The following LRRC1 variants were observed in gnomAD, a reference collection of about 807,000 sequenced individuals.
LRRC1 encodes leucine rich repeat containing 1.
In LRRC1, 28 loss-of-function variants were observed where a neutral mutation model predicts 69.9. The ratio of observed to expected loss-of-function variants is 0.40; its 90% CI spans 0.30 to 0.55. The LOEUF (loss-of-function observed/expected upper bound fraction) is 0.55. Among genes scored for constraint, LRRC1 ranks in the 20% least tolerant of loss-of-function variants. The probability of loss-of-function intolerance (pLI) is 0.47; values close to 1 mark genes in which losing one functional copy is unlikely to be tolerated. For missense variants in LRRC1, 498 were observed against 609.0 expected (o/e 0.82, Z 1.92); for synonymous variants, 236 against 240.2 (o/e 0.98, Z 0.16).
intron 3 of LRRC1, among the ~76,000 whole-genome samples, chr6:53,882,164 T>C (rs1767312360): frequency 6.6e-6 from 1 of 152,126 alleles, no homozygotes; most frequent in Non-Finnish European, 1.5e-5. Context: ...CTGACCAACA[T>C]GGTGAAACCC....
chr6:53,922,702 A>C lies in LRRC1; in HGVS notation c.1484A>C (p.Asn495Thr), dbSNP rs375777240. 22 of 1,614,070 alleles carry C rather than the reference A, an allele frequency of 1.4e-5. No individual in the cohort carries two copies. Among genetic ancestry groups the C allele is most frequent in the Non-Finnish European group, 1.7e-5 (20 of 1,180,004 alleles). The change falls in exon 14 of 14, where the codon AAT becomes ACT. Residue 495 changes from asparagine to threonine, a missense_variant. Transcript: ENST00000370888. ...AAGCACATGAAAAAGACAGTGGAGA[A>C]TTTACGGAATGACATGAATGCTGCT... ...ELKHMKKTVE[N>T]LRNDMNAAKG...
chr6:53,922,715 C>T lies in LRRC1; in HGVS notation c.1497C>T (p.Asp499=), dbSNP rs1768774859. The change falls in exon 14 of 14, where the codon GAC becomes GAT. Residue 499 remains aspartate (D), a synonymous_variant. Transcript: ENST00000370888. ...AGACAGTGGAGAATTTACGGAATGA[C>T]ATGAATGCTGCTAAAGGACTGGACT... The part of the protein sequence containing the change: ...MKKTVENLRN[D]MNAAKGLDSN... 1 of 1,614,102 alleles carries T rather than the reference C, an allele frequency of 6.2e-7. No individual in the cohort carries two copies. Among genetic ancestry groups the T allele is most frequent in the Non-Finnish European group, 8.5e-7 (1 of 1,179,944 alleles).
chr6:53,872,684 G>C (rs900847649), intron 2 of LRRC1, among the ~76,000 whole-genome samples: 1 of 150,606 alleles, frequency 6.6e-6, no homozygotes, highest in Non-Finnish European at 1.5e-5. Flanking sequence ...GTGGTATTTT[G>C]ACAGCAATTG....
At chr6:53,846,624 T>C (rs939337919) in intron 2 of LRRC1, among the ~76,000 whole-genome samples, 1 of 151,962 alleles carries the variant, frequency 6.6e-6, no homozygotes, top group African/African-American at 2.4e-5. Flanking sequence ...AAAACATATA[T>C]GAGAAAAAAA....
chr6:53,909,671 C>T (rs1305892904), intron 10 of LRRC1, among the ~76,000 whole-genome samples: 1 of 151,140 alleles, frequency 6.6e-6, no homozygotes, highest in Non-Finnish European at 1.5e-5. Context: ...CCTCAGAATT[C>T]AGGGAATCCC....
chr6:53,892,947 C>T (rs934095485), intron 4 of LRRC1, among the ~76,000 whole-genome samples: 3 of 152,100 alleles, frequency 2.0e-5, no homozygotes, highest in Non-Finnish European at 2.9e-5. Flanking sequence ...ATAGTCAGAG[C>T]CTTTGTTTGC....
At chr6:53,802,275 A>G (rs1311977722) in intron 1 of LRRC1, among the ~76,000 whole-genome samples, 2 of 152,202 alleles carry the variant, frequency 1.3e-5, no homozygotes, top group Non-Finnish European at 2.9e-5. Flanking sequence ...CCGGGAGACC[A>G]GGCAGGGGCT....
chr6:53,887,003 G>C (rs1189821388), intron 4 of LRRC1, among the ~76,000 whole-genome samples: 1 of 152,130 alleles, frequency 6.6e-6, no homozygotes, highest in Non-Finnish European at 1.5e-5. Flanking sequence ...ACAAATACAC[G>C]TGACAAGGTA....
In LRRC1 at chr6:53,897,310, A is replaced by G. The variant is rs766159853; in HGVS notation, c.593A>G (p.His198Arg). 3 of 1,612,534 alleles carry G rather than the reference A, an allele frequency of 1.9e-6. No homozygotes were observed. Among genetic ancestry groups the G allele is most frequent in the African/African-American group, 1.3e-5 (1 of 74,900 alleles). Residue 198 changes from histidine (H) to arginine (R), a missense_variant, in exon 7 of 14, where the codon CAT becomes CGT. By Grantham distance (29) the His-to-Arg change is conservative (BLOSUM62 0). Transcript: ENST00000370888. ...NLPESIGALL[H>R]LKDLWLDGNQ... ...CCAGAATCAATTGGAGCCCTCTTACATCTAAAAGATCTCTGGTTGGATGGA... is the reference window on the plus strand; with the variant it reads ...CCAGAATCAATTGGAGCCCTCTTACGTCTAAAAGATCTCTGGTTGGATGGA...
chr6:53,897,300 G>T lies in LRRC1; in HGVS notation c.583G>T (p.Ala195Ser), dbSNP rs762552626. 9.9e-6 allele frequency: 16 copies of T among 1,610,772 alleles called. No homozygotes were observed. In the Admixed American group the frequency reaches 2.5e-4, roughly 25 times the overall value. The change falls in exon 7 of 14, where the codon GCC (alanine) becomes TCC (serine). Residue 195 changes from alanine to serine, a missense_variant. Ala to Ser is a moderately conservative substitution (Grantham distance 99). Coordinates refer to ENST00000370888, the MANE Select transcript of LRRC1 (RefSeq NM_018214.5). ...TTTGTTTTAGCCAGAATCAATTGGAGCCCTCTTACATCTAAAAGATCTCTG... is the reference window on the plus strand; with the variant it reads ...TTTGTTTTAGCCAGAATCAATTGGATCCCTCTTACATCTAAAAGATCTCTG... ...EIYNLPESIGALLHLKDLWLD... is the reference protein window; with the variant it reads ...EIYNLPESIGSLLHLKDLWLD...
intron 1 of LRRC1, among the ~76,000 whole-genome samples, chr6:53,831,088 T>G (rs1420060898): frequency 6.6e-6 from 1 of 151,794 alleles, no homozygotes; most frequent in Non-Finnish European, 1.5e-5. Context: ...CCACAATATA[T>G]GTTTTAGCTT....
At chr6:53,873,930 A>C (rs1403734660) in intron 2 of LRRC1, among the ~76,000 whole-genome samples, 1 of 152,200 alleles carries the variant, frequency 6.6e-6, no homozygotes, top group Non-Finnish European at 1.5e-5. Context: ...CTCTTTTCTC[A>C]GCCTTATAGA....
At chr6:53,892,684 G>A (rs1018620156) in intron 4 of LRRC1, among the ~76,000 whole-genome samples, 2 of 152,210 alleles carry the variant, frequency 1.3e-5, no homozygotes, top group Admixed American at 1.3e-4. Context: ...TTGTGTTAAT[G>A]TCTCTGTTCC....
chr6:53,922,590 G>A, intron 13 of LRRC1, 45 bp from the exon 14 acceptor site: 4 of 1,543,214 alleles, frequency 2.6e-6, no homozygotes, highest in Non-Finnish European at 3.5e-6. Context: ...TTTGAAAAAA[G>A]TAGTGGAATA....
intron 1 of LRRC1, among the ~76,000 whole-genome samples, chr6:53,801,872 A>G (rs565701411): frequency 9.8e-5 from 15 of 152,326 alleles, no homozygotes; most frequent in African/African-American, 3.6e-4. Flanking sequence ...GGTTTAACTG[A>G]GTTTTAAGCA....
At chr6:53,809,225 A>C (rs1298055063) in intron 1 of LRRC1, among the ~76,000 whole-genome samples, 1 of 152,260 alleles carries the variant, frequency 6.6e-6, no homozygotes, top group African/African-American at 2.4e-5. Flanking sequence ...TGTAAAGGTC[A>C]GTATTATAAA....
chr6:53,920,859 C>A, intron 13 of LRRC1, 98 bp downstream of exon 13: 4 of 1,368,446 alleles, frequency 2.9e-6, no homozygotes, highest in African/African-American at 1.4e-5. Context: ...TTAGTATGTT[C>A]TCTGCTTTGC....
chr6:53,867,347 A>G (rs1276902541), intron 2 of LRRC1, among the ~76,000 whole-genome samples: 2 of 151,960 alleles, frequency 1.3e-5, no homozygotes, highest in Admixed American at 6.6e-5. Context: ...AGGAGAAAGA[A>G]ATTGGTCTAT....
chr6:53,841,548 A>G (rs1344759702), intron 1 of LRRC1, among the ~76,000 whole-genome samples: 1 of 152,164 alleles, frequency 6.6e-6, no homozygotes, highest in Non-Finnish European at 1.5e-5. Context: ...ACAGTTTTTA[A>G]AAAGTATGGG....
Sources: allele counts gnomAD v4.1 joint callset (sites outside exome capture counted in the v4.1 genomes callset), GRCh38; gene constraint gnomAD v4.1.1; transcripts MANE v1.5; gene names NCBI Gene and HGNC (gene_info 2026-07-23, HGNC 2026-07-21).